The following CRY1 variants were observed in gnomAD, a reference collection of about 807,000 sequenced individuals.
The protein encoded by CRY1 is cryptochrome-1.
Under a neutral mutation model 76.0 loss-of-function variants are expected in CRY1, and 45 were observed. The ratio of observed to expected loss-of-function variants is 0.59; its 90% confidence interval spans 0.47 to 0.76. CRY1 has a LOEUF of 0.76. Among genes scored for constraint, CRY1 ranks in the 30% least tolerant of loss-of-function variants. The pLI is 0.00. For synonymous variants in CRY1, 248 were observed against 244.0 expected (o/e 1.02, Z -0.15); for missense variants, 587 against 716.4 (o/e 0.82, Z 2.06).
intron 1 of CRY1, among the ~76,000 whole-genome samples, chr12:107,079,709 G>C (rs1953299738): frequency 6.6e-6 from 1 of 151,870 alleles, no homozygotes; most frequent in African/African-American, 2.4e-5. Flanking sequence ...TCCATGCCTT[G>C]CTTATTAAGA....
intron 2 of CRY1, among the ~76,000 whole-genome samples, chr12:107,010,699 C>G (rs571476295): frequency 6.6e-6 from 1 of 152,204 alleles, no homozygotes; most frequent in South Asian, 2.1e-4. Flanking sequence ...CCATTTCAGC[C>G]TCCTGAGTAG....
chr12:107,074,369 A>T (rs57750330), intron 1 of CRY1, among the ~76,000 whole-genome samples: 20,955 of 152,160 alleles, frequency 0.14, 2,581 homozygotes, highest in African/African-American at 0.32. Flanking sequence ...TACATCACTT[A>T]AAACAAGAAA....
chr12:107,011,650 G>A (rs1952444786), intron 2 of CRY1, among the ~76,000 whole-genome samples: 1 of 152,242 alleles, frequency 6.6e-6, no homozygotes, highest in Admixed American at 6.5e-5. Flanking sequence ...GAGAGGTGAG[G>A]AAGCTGCAGA....
intron 1 of CRY1, among the ~76,000 whole-genome samples, chr12:107,073,606 G>A (rs1431397758): frequency 6.6e-6 from 1 of 152,028 alleles, no homozygotes; most frequent in Non-Finnish European, 1.5e-5. Context: ...GTGCATGCCT[G>A]TAATCCCAGC....
rs559099343 is a variant in CRY1 at position 106,995,453 on chromosome 12, G to GT, written c.1585+1840dup. ...TCAAATGCTACCCTGTTTTTATCCTGTTTTTTTTATTTTGAAAAATATAGA... is the reference window on the plus strand; with the variant it reads ...TCAAATGCTACCCTGTTTTTATCCTGTTTTTTTTTATTTTGAAAAATATAGA... On this transcript the variant is annotated intron_variant, in intron 10 of 12. Transcript: ENST00000008527. Among the ~76,000 whole-genome samples, 229 of 151,898 alleles carry GT rather than the reference G, an allele frequency of 1.5e-3. 1 individual carries two copies. Among genetic ancestry groups the GT allele is most frequent in the South Asian group, 2.5e-3 (12 of 4,806 alleles).
Position 107,001,367 on chromosome 12 carries a change from AC to A in CRY1, c.596del (p.Gly199ValfsTer41). The A allele has an allele frequency of 6.2e-7, 1 of 1,602,398 alleles. No individual in the cohort carries two copies. The highest frequency in any genetic ancestry group is 8.5e-7 in the Non-Finnish European group (1 of 1,176,734). On this transcript the variant is annotated frameshift_variant and splice_region_variant, in exon 5 of 13. Coordinates refer to ENST00000008527, the MANE Select transcript of CRY1 (RefSeq NM_004075.5). LOFTEE classifies it high-confidence loss of function. ...KYGVPSLEEL[G>X]FDTDGLSSAV... The stretch of plus-strand genomic sequence containing the variant: ...CAGAGGATAAGCCATCTGTATCAAA[AC>A]CTACAAGAAAGAAAAGAAAAAAACA...
chr12:107,079,421 G>A (rs1456701741), intron 1 of CRY1, among the ~76,000 whole-genome samples: 1 of 146,126 alleles, frequency 6.8e-6, no homozygotes, highest in Non-Finnish European at 1.5e-5. Context: ...ATGTGATCCT[G>A]GTAACATCTT....
intron 2 of CRY1, among the ~76,000 whole-genome samples, chr12:107,006,719 T>G (rs1952380282): frequency 7.2e-6 from 1 of 139,546 alleles, no homozygotes; most frequent in Non-Finnish European, 1.5e-5. Flanking sequence ...TGGCATGATC[T>G]TGGCTCACTG....
intron 1 of CRY1, among the ~76,000 whole-genome samples, chr12:107,066,702 C>T (rs928182739): frequency 2.0e-5 from 3 of 150,682 alleles, no homozygotes; most frequent in Admixed American, 6.6e-5. Context: ...CTGAGCTCAA[C>T]ATCCACCCGC....
chr12:107,045,629 T>C (rs1326323567), intron 1 of CRY1, among the ~76,000 whole-genome samples: 2 of 152,174 alleles, frequency 1.3e-5, no homozygotes, highest in African/African-American at 4.8e-5. Flanking sequence ...TGGTTTTAGG[T>C]CTAACATTTA....
intron 1 of CRY1, among the ~76,000 whole-genome samples, chr12:107,048,036 A>G (rs116348694): frequency 9.2e-4 from 140 of 152,320 alleles, no homozygotes; most frequent in African/African-American, 3.3e-3. Context: ...CTATTATAAA[A>G]TAACTGTTCA....
At chr12:107,015,599 TA>T (rs1171595033) in intron 2 of CRY1, among the ~76,000 whole-genome samples, 6 of 152,328 alleles carry the variant, frequency 3.9e-5, no homozygotes, top group African/African-American at 1.4e-4. Flanking sequence ...AAGCAACACG[TA>T]GTTACCTTTG....
chr12:107,068,160 A>G (rs1256713016), intron 1 of CRY1, among the ~76,000 whole-genome samples: 1 of 152,176 alleles, frequency 6.6e-6, no homozygotes, highest in African/African-American at 2.4e-5. Flanking sequence ...GGTAGCTGAG[A>G]GAGAGATCAT....
chr12:106,995,627 T>C (rs537011829), intron 10 of CRY1, among the ~76,000 whole-genome samples: 2 of 152,292 alleles, frequency 1.3e-5, no homozygotes, highest in East Asian at 1.9e-4. Flanking sequence ...ATCACATGTA[T>C]AGATTTCTTT....
chr12:107,016,018 T>C (rs536215869), intron 2 of CRY1, among the ~76,000 whole-genome samples: 107 of 152,314 alleles, frequency 7.0e-4, no homozygotes, highest in African/African-American at 2.4e-3. Flanking sequence ...TAAATGAATA[T>C]AAAGTTCTTG....
intron 10 of CRY1, among the ~76,000 whole-genome samples, chr12:106,993,277 C>T (rs3741891): frequency 0.14 from 20,655 of 151,706 alleles, 2,474 homozygotes; most frequent in African/African-American, 0.31. Flanking sequence ...TTCTAAAAAA[C>T]ATTTCCTTAC....
intron 1 of CRY1, among the ~76,000 whole-genome samples, chr12:107,041,844 T>C (rs531464817): frequency 2.0e-5 from 3 of 152,240 alleles, no homozygotes; most frequent in African/African-American, 7.2e-5. Flanking sequence ...AAAAGTTGAA[T>C]ACAGCACCCA....
At chr12:107,070,003 G>A (rs775780465) in intron 1 of CRY1, among the ~76,000 whole-genome samples, 11 of 152,092 alleles carry the variant, frequency 7.2e-5, no homozygotes, top group Admixed American at 2.0e-4. Context: ...TGGGACATAA[G>A]GATATGAGAA....
intron 1 of CRY1, among the ~76,000 whole-genome samples, chr12:107,083,517 G>A (rs1953354172): frequency 6.6e-6 from 1 of 152,140 alleles, no homozygotes; most frequent in African/African-American, 2.4e-5. Flanking sequence ...TTCATCCCTG[G>A]GATGTAAGGC....
Sources: gnomAD v4.1 joint callset for allele counts (sites outside exome capture counted in the v4.1 genomes callset) on GRCh38, gnomAD v4.1.1 for gene constraint, MANE v1.5 for transcripts, NCBI Gene and HGNC (gene_info 2026-07-23, HGNC 2026-07-21) for gene names.